MOB4: variants seen among roughly 807,000 people sequenced by gnomAD.
The protein encoded by MOB4 is MOB-like protein phocein.
In MOB4, 4 loss-of-function variants were observed where a neutral mutation model predicts 32.2. The observed-to-expected ratio is 0.12, with a 90% CI of 0.06 to 0.28. MOB4 has a LOEUF of 0.28. MOB4 is among the 10% of genes least tolerant of loss of function. MOB4 has a pLI of 1.00. For missense variants in MOB4, 158 were observed against 271.2 expected (o/e 0.58, Z 2.93); for synonymous variants, 88 against 88.1 (o/e 1.00, Z 0.01).
chr2:197,536,241 T>C (rs933152085), intron 3 of MOB4, among the ~76,000 whole-genome samples: 3 of 152,166 alleles, frequency 2.0e-5, no homozygotes, highest in African/African-American at 7.2e-5. Context: ...TCTTGATCTG[T>C]TGCCTAGGCT....
chr2:197,525,722 AAAAAAG>A (rs1340178872), intron 2 of MOB4, among the ~76,000 whole-genome samples: 3 of 152,016 alleles, frequency 2.0e-5, no homozygotes, highest in Non-Finnish European at 2.9e-5. Flanking sequence ...AAAAAAAAAA[AAAAAAG>A]AAAAAGTGCT....
Position 197,550,673 on chromosome 2 carries a change from TC to T in MOB4, c.*28del. The T allele has an allele frequency of 6.4e-7, 1 of 1,567,440 alleles. No individual in the cohort carries two copies. The highest frequency in any genetic ancestry group is 1.4e-5 in the African/African-American group (1 of 73,138). Reference sequence around the variant, plus strand: ...GGGAATCATAGGAAAAATGTACTGATCATATAATTAACATTATGTACTGTAT... The same window carrying T: ...GGGAATCATAGGAAAAATGTACTGATATATAATTAACATTATGTACTGTAT... On this transcript the variant is annotated 3_prime_UTR_variant, in exon 8 of 8. Transcript: ENST00000323303.
intron 5 of MOB4, among the ~76,000 whole-genome samples, chr2:197,545,788 G>A (rs983819012): frequency 6.6e-6 from 1 of 152,156 alleles, no homozygotes; most frequent in Non-Finnish European, 1.5e-5. Flanking sequence ...GAGAGAATGG[G>A]AAGTGACTGC....
At position 197,523,700 on chromosome 2, in the gene MOB4, T is replaced by A; in HGVS notation, c.123+14T>A. 6.3e-7 allele frequency: 1 copy of A among 1,598,408 alleles called. No individual in the cohort carries two copies. Among genetic ancestry groups the A allele is most frequent in the Non-Finnish European group, 8.5e-7 (1 of 1,175,340 alleles). ...GCTGTTCAACAGGTAATAAAAATAG[T>A]TTCTTTTCACCCTGTGTCTTTTGGA... On this transcript the variant is annotated intron_variant, in intron 2 of 7. Coordinates refer to ENST00000323303, the MANE Select transcript of MOB4 (RefSeq NM_015387.5).
chr2:197,534,660 A>G (rs1193927815), intron 2 of MOB4, among the ~76,000 whole-genome samples: 1 of 152,174 alleles, frequency 6.6e-6, no homozygotes, highest in Admixed American at 6.5e-5. Flanking sequence ...CTCTTGCCTC[A>G]GCCTCCAGAG....
intron 3 of MOB4, among the ~76,000 whole-genome samples, chr2:197,538,693 C>A (rs940321322): frequency 2.0e-5 from 3 of 152,072 alleles, no homozygotes; most frequent in Non-Finnish European, 4.4e-5. Context: ...GCATTATTTG[C>A]CACAGATTAT....
intron 5 of MOB4, among the ~76,000 whole-genome samples, chr2:197,542,973 T>G (rs2086922795): frequency 6.6e-6 from 1 of 151,936 alleles, no homozygotes; most frequent in Non-Finnish European, 1.5e-5. Context: ...ATGTGGGTAG[T>G]CAAAATTGAA....
At chr2:197,531,154 T>A (rs1432207525) in intron 2 of MOB4, among the ~76,000 whole-genome samples, 2 of 150,954 alleles carry the variant, frequency 1.3e-5, no homozygotes, top group Non-Finnish European at 3.0e-5. Context: ...TTCACGCTAC[T>A]CTCCTGCCTC....
chr2:197,518,149 C>T (rs1395905793), intron 1 of MOB4, among the ~76,000 whole-genome samples: 1 of 151,536 alleles, frequency 6.6e-6, no homozygotes, highest in Non-Finnish European at 1.5e-5. Context: ...CTCAAACAAA[C>T]AAACAAAAAA....
intron 5 of MOB4, among the ~76,000 whole-genome samples, chr2:197,541,384 T>G (rs1243410762): frequency 6.6e-6 from 1 of 152,206 alleles, no homozygotes; most frequent in African/African-American, 2.4e-5. Context: ...CTGGGGATAT[T>G]GGGTTAGGCC....
intron 1 of MOB4, 75 bp downstream of exon 1, chr2:197,516,221 C>T: frequency 6.5e-7 from 1 of 1,538,646 alleles, no homozygotes; most frequent in Non-Finnish European, 8.8e-7. Flanking sequence ...GCCGCCACTG[C>T]GGGGAGGTTG....
At chr2:197,538,390 GTT>G (rs780605739) in intron 3 of MOB4, among the ~76,000 whole-genome samples, 9 of 127,950 alleles carry the variant, frequency 7.0e-5, no homozygotes, top group Admixed American at 7.8e-5. Flanking sequence ...CCAGGAAGAG[GTT>G]TTTTTTTTTT....
chr2:197,534,386 C>T (rs919511635), intron 2 of MOB4, among the ~76,000 whole-genome samples: 1 of 152,040 alleles, frequency 6.6e-6, no homozygotes, highest in East Asian at 1.9e-4. Context: ...AAGTGACCCT[C>T]CCTTGCCTTT....
At chr2:197,542,142 C>G (rs560911380) in intron 5 of MOB4, among the ~76,000 whole-genome samples, 1 of 152,138 alleles carries the variant, frequency 6.6e-6, no homozygotes, top group Admixed American at 6.6e-5. Context: ...GAAGTGATAT[C>G]CAGTTTGTGA....
upstream of MOB4, chr2:197,515,666 T>TC (rs1474023509): frequency 5.3e-6 from 1 of 187,516 alleles, no homozygotes; most frequent in Non-Finnish European, 1.1e-5. Flanking sequence ...ATTACGGTTC[T>TC]CTAAGTATTT....
In MOB4 at chr2:197,530,635, G is replaced by GT. The variant is rs574601355; in HGVS notation, c.124-4887dup. 4.3e-3 allele frequency among the ~76,000 whole-genome samples: 638 copies of GT among 148,496 alleles called. 4 individuals are homozygous for GT. The highest frequency in any genetic ancestry group is 0.014 in the African/African-American group (556 of 40,350). Reference sequence around the variant, plus strand: ...CTTCTTTAGTGGTGTTTTTTTCTTTGTTTTTTTTGAGACAGGGTCTCACTC... The same window carrying GT: ...CTTCTTTAGTGGTGTTTTTTTCTTTGTTTTTTTTTGAGACAGGGTCTCACTC... On this transcript the variant is annotated intron_variant, in intron 2 of 7. Transcript: ENST00000323303.
chr2:197,544,393 T>C (rs1054210654), intron 5 of MOB4, among the ~76,000 whole-genome samples: 4 of 151,854 alleles, frequency 2.6e-5, no homozygotes, highest in Non-Finnish European at 2.9e-5. Context: ...TGTTTGAGAG[T>C]TGGAAACAGT....
intron 3 of MOB4, among the ~76,000 whole-genome samples, chr2:197,537,167 A>G (rs1393284483): frequency 6.6e-6 from 1 of 152,212 alleles, no homozygotes; most frequent in East Asian, 1.9e-4. Flanking sequence ...TGTAATCCTG[A>G]AGTAAGGAGT....
chr2:197,531,897 G>A (rs1226647825), intron 2 of MOB4, among the ~76,000 whole-genome samples: 1 of 151,830 alleles, frequency 6.6e-6, no homozygotes, highest in South Asian at 2.1e-4. Flanking sequence ...AAAGTGTGGA[G>A]GACTCATTAT....
Sources: gnomAD v4.1 joint callset for allele counts (sites outside exome capture counted in the v4.1 genomes callset) on GRCh38, gnomAD v4.1.1 for gene constraint, MANE v1.5 for transcripts, NCBI Gene and HGNC (gene_info 2026-07-23, HGNC 2026-07-21) for gene names.